CNTN4: variants seen among roughly 807,000 people sequenced by gnomAD.
CNTN4 encodes the protein contactin-4.
CNTN4 carries 77 observed loss-of-function variants against 122.5 expected under a neutral mutation model. That is an observed-to-expected ratio of 0.63 (90% CI 0.52 to 0.76). The LOEUF (loss-of-function observed/expected upper bound fraction) is 0.76. Among genes scored for constraint, CNTN4 ranks in the 30% least tolerant of loss-of-function variants. The probability of loss-of-function intolerance (pLI) is 0.00; values close to 1 mark genes in which losing one functional copy is unlikely to be tolerated. For synonymous variants in CNTN4, 512 were observed against 447.0 expected (o/e 1.15, Z -1.83); for missense variants, 1,256 against 1,259.1 (o/e 1.00, Z 0.04).
intron 3 of CNTN4, among the ~76,000 whole-genome samples, chr3:2,383,430 C>T (rs1029229904): frequency 6.6e-6 from 1 of 152,074 alleles, no homozygotes; most frequent in African/African-American, 2.4e-5. Flanking sequence ...CTTAATCTTC[C>T]CACAACCCTT....
chr3:2,280,854 C>T (rs2041688983), intron 2 of CNTN4, among the ~76,000 whole-genome samples: 1 of 152,154 alleles, frequency 6.6e-6, no homozygotes, highest in South Asian at 2.1e-4. Context: ...GAATGACACA[C>T]ATGGTTTTTG....
At chr3:2,890,336 C>T (rs1206866134) in intron 10 of CNTN4, among the ~76,000 whole-genome samples, 2 of 152,088 alleles carry the variant, frequency 1.3e-5, no homozygotes, top group South Asian at 2.1e-4. Context: ...CATAGGTCTC[C>T]AATTTAAATG....
chr3:2,814,978 G>C (rs1023712403), intron 6 of CNTN4, among the ~76,000 whole-genome samples: 10 of 152,168 alleles, frequency 6.6e-5, no homozygotes, highest in Non-Finnish European at 1.3e-4. Context: ...TATCCATAAT[G>C]TATATTCCGT....
chr3:2,508,088 T>C (rs1659815159), intron 3 of CNTN4, among the ~76,000 whole-genome samples: 1 of 152,238 alleles, frequency 6.6e-6, no homozygotes, highest in Non-Finnish European at 1.5e-5. Flanking sequence ...GTCATTGTTA[T>C]TAGAATCTGA....
rs1553590582 is a variant in CNTN4 at position 2,621,160 on chromosome 3, A to AC, written c.55+49607dup. The stretch of plus-strand genomic sequence containing the variant: ...AGAAAGTTCTCAGTTAACGTTAAGC[A>AC]CCCCCTGTTCTCGCGTCTTCCTCCT... On this transcript the variant is annotated intron_variant, in intron 4 of 24. Coordinates refer to ENST00000418658, the MANE Select transcript of CNTN4 (RefSeq NM_175607.3). 7.9e-3 allele frequency among the ~76,000 whole-genome samples: 1,201 copies of AC among 151,952 alleles called. 14 individuals are homozygous for AC. Among genetic ancestry groups the AC allele is most frequent in the African/African-American group, 0.028 (1,159 of 41,444 alleles).
At chr3:2,733,395 C>G (rs1293832457) in intron 4 of CNTN4, among the ~76,000 whole-genome samples, 1 of 152,140 alleles carries the variant, frequency 6.6e-6, no homozygotes, top group African/African-American at 2.4e-5. Flanking sequence ...TTGAAGTGAG[C>G]TCACATTTGA....
At chr3:2,556,661 C>CAT (rs1263541202) in intron 3 of CNTN4, among the ~76,000 whole-genome samples, 1 of 151,768 alleles carries the variant, frequency 6.6e-6, no homozygotes, top group Non-Finnish European at 1.5e-5. Context: ...CACACACAAA[C>CAT]ATATAAAAAT....
chr3:2,363,230 T>C (rs1012156642), intron 3 of CNTN4, among the ~76,000 whole-genome samples: 4 of 152,228 alleles, frequency 2.6e-5, no homozygotes, highest in African/African-American at 9.6e-5. Context: ...ACTAGTATTT[T>C]TCAAATGTCT....
At chr3:2,518,207 A>G (rs1457482620) in intron 3 of CNTN4, among the ~76,000 whole-genome samples, 1 of 149,368 alleles carries the variant, frequency 6.7e-6, no homozygotes, top group Non-Finnish European at 1.5e-5. Context: ...ACAGTTTCTT[A>G]GGTTAATATG....
At chr3:2,314,543 G>A (rs1019353466) in intron 2 of CNTN4, among the ~76,000 whole-genome samples, 2 of 151,670 alleles carry the variant, frequency 1.3e-5, no homozygotes, top group Non-Finnish European at 2.9e-5. Flanking sequence ...TTATCTCCCT[G>A]TATATCAGAT....
At chr3:2,393,571 T>C (rs1204658435) in intron 3 of CNTN4, among the ~76,000 whole-genome samples, 1 of 152,178 alleles carries the variant, frequency 6.6e-6, no homozygotes, top group African/African-American at 2.4e-5. Context: ...ACAAAAATAT[T>C]AATATGTGTG....
chr3:2,743,665 C>G (rs1394993344), intron 5 of CNTN4, among the ~76,000 whole-genome samples: 1 of 152,150 alleles, frequency 6.6e-6, no homozygotes, highest in East Asian at 1.9e-4. Context: ...ATTTATGGAG[C>G]ACAATGAGAG....
At chr3:2,405,851 C>T (rs182742503) in intron 3 of CNTN4, among the ~76,000 whole-genome samples, 2 of 151,996 alleles carry the variant, frequency 1.3e-5, no homozygotes, top group African/African-American at 2.4e-5. Flanking sequence ...GGCAAAATCT[C>T]ATCTCTACCT....
At chr3:2,948,519 T>A (rs1247647173) in intron 13 of CNTN4, among the ~76,000 whole-genome samples, 3 of 152,218 alleles carry the variant, frequency 2.0e-5, no homozygotes, top group Non-Finnish European at 4.4e-5. Context: ...AAAATCTGTA[T>A]CTGCAGGCAT....
chr3:2,861,607 A>C (rs1283253847), intron 7 of CNTN4, among the ~76,000 whole-genome samples: 1 of 152,306 alleles, frequency 6.6e-6, no homozygotes, highest in East Asian at 1.9e-4. Flanking sequence ...TTAAAGCCAA[A>C]ATTTGTTATA....
chr3:2,677,995 A>G (rs2150451253), intron 4 of CNTN4, among the ~76,000 whole-genome samples: 1 of 152,264 alleles, frequency 6.6e-6, no homozygotes. Context: ...AGAATTGCGG[A>G]CCAATGTGTT....
intron 3 of CNTN4, among the ~76,000 whole-genome samples, chr3:2,401,690 A>T (rs1353929536): frequency 6.6e-6 from 1 of 152,128 alleles, no homozygotes; most frequent in Non-Finnish European, 1.5e-5. Flanking sequence ...AACAGTGCAC[A>T]TGGTTTGAAG....
chr3:2,814,936 C>T (rs561221061), intron 6 of CNTN4, among the ~76,000 whole-genome samples: 1 of 152,162 alleles, frequency 6.6e-6, no homozygotes, highest in Non-Finnish European at 1.5e-5. Context: ...TCTATTGTTG[C>T]TATTAGTGTG....
At chr3:2,524,833 G>A (rs1341473325) in intron 3 of CNTN4, among the ~76,000 whole-genome samples, 1 of 152,018 alleles carries the variant, frequency 6.6e-6, no homozygotes, top group Non-Finnish European at 1.5e-5. Flanking sequence ...TGAATAAGAA[G>A]AATAATTGTT....
Sources: allele counts gnomAD v4.1 joint callset (sites outside exome capture counted in the v4.1 genomes callset), GRCh38; gene constraint gnomAD v4.1.1; transcripts MANE v1.5; gene names NCBI Gene and HGNC (gene_info 2026-07-23, HGNC 2026-07-21).